MFHAS1: variants seen among roughly 807,000 people sequenced by gnomAD.
The protein encoded by MFHAS1 is malignant fibrous histiocytoma-amplified sequence 1.
Under a neutral mutation model 70.4 loss-of-function variants are expected in MFHAS1, and 50 were observed. The ratio of observed to expected loss-of-function variants is 0.71; its 90% CI spans 0.57 to 0.90. The LOEUF (loss-of-function observed/expected upper bound fraction) is 0.90, where lower values mean the gene tolerates loss of function less well. Among genes scored for constraint, MFHAS1 ranks in the 40% least tolerant of loss-of-function variants. The probability of loss-of-function intolerance (pLI) is 0.00; values close to 1 mark genes in which losing one functional copy is unlikely to be tolerated. For synonymous variants in MFHAS1, 952 were observed against 620.0 expected, an observed-to-expected ratio of 1.54 and a Z score of -7.96; for missense variants, 1,795 against 1,347.6, an observed-to-expected ratio of 1.33 and a Z score of -5.20.
chr8:8,809,266 T>C (rs923081753), intron 1 of MFHAS1, among the ~76,000 whole-genome samples: 6 of 152,140 alleles, frequency 3.9e-5, no homozygotes, highest in African/African-American at 9.7e-5. Context: ...GCACGACAAA[T>C]GTAATGCACT....
At chr8:8,797,795 G>T (rs1805959907) in intron 1 of MFHAS1, among the ~76,000 whole-genome samples, 1 of 152,134 alleles carries the variant, frequency 6.6e-6, no homozygotes, top group Non-Finnish European at 1.5e-5. Context: ...CTGACTCCAG[G>T]GATCTTTATC....
rs529710059 is a variant in MFHAS1 at position 8,855,004 on chromosome 8, G to A, written c.2998+35057C>T. Among the ~76,000 whole-genome samples, 20 of 152,146 alleles carry A rather than the reference G, an allele frequency of 1.3e-4. No individual in the cohort carries two copies. The South Asian group carries it at 3.9e-3, about 30-fold the overall frequency. Reference sequence around the variant, plus strand: ...AGCTCACTGCAGCCTCCATCTCCTGGGCTCAAGTGATTCTCCCATCTCAGC... The same window carrying A: ...AGCTCACTGCAGCCTCCATCTCCTGAGCTCAAGTGATTCTCCCATCTCAGC... On this transcript the variant is annotated intron_variant, in intron 1 of 2. Coordinates refer to ENST00000276282, the MANE Select transcript of MFHAS1 (RefSeq NM_004225.3).
At chr8:8,788,819 G>C (rs986342966) in intron 2 of MFHAS1, among the ~76,000 whole-genome samples, 1 of 152,224 alleles carries the variant, frequency 6.6e-6, no homozygotes, top group Non-Finnish European at 1.5e-5. Context: ...GGGTAGGAGA[G>C]AAGGGCAGCA....
chr8:8,865,514 G>T (rs1453176196), intron 1 of MFHAS1, among the ~76,000 whole-genome samples: 2 of 152,026 alleles, frequency 1.3e-5, no homozygotes, highest in Non-Finnish European at 2.9e-5. Context: ...ACACAACCAA[G>T]GACCCCTCCC....
Position 8,890,756 on chromosome 8 carries a change from G to T in MFHAS1, c.2303C>A (p.Pro768Gln). 6.2e-7 allele frequency: 1 copy of T among 1,613,846 alleles called. No homozygotes were observed. The highest frequency in any genetic ancestry group is 8.5e-7 in the Non-Finnish European group (1 of 1,179,880). The change falls in exon 1 of 3, where the codon CCG becomes CAG. Residue 768 changes from proline to glutamine, a missense_variant. Pro to Gln is a moderately conservative substitution (Grantham distance 76). Transcript: ENST00000276282. ...GCTGGGGGTGGACCGCGCCATGGGCGGGGAGCTTTCCCCCTCCGCCTTGCC... is the reference window on the plus strand; with the variant it reads ...GCTGGGGGTGGACCGCGCCATGGGCTGGGAGCTTTCCCCCTCCGCCTTGCC... ...GEGKAEGESS[P>Q]PMARSTPSQE...
At chr8:8,861,815 G>A (rs1455883600) in intron 1 of MFHAS1, among the ~76,000 whole-genome samples, 3 of 152,144 alleles carry the variant, frequency 2.0e-5, no homozygotes, top group South Asian at 2.1e-4. Context: ...TATAAATGGA[G>A]TCATACAATA....
intron 1 of MFHAS1, among the ~76,000 whole-genome samples, chr8:8,864,651 G>C (rs138902909): frequency 1.2e-4 from 18 of 152,220 alleles, no homozygotes; most frequent in Middle Eastern, 3.4e-3. Flanking sequence ...CCTATCATTT[G>C]TACCAGCTAC....
At chr8:8,831,254 C>T (rs1417872795) in intron 1 of MFHAS1, among the ~76,000 whole-genome samples, 2 of 152,050 alleles carry the variant, frequency 1.3e-5, no homozygotes, top group Non-Finnish European at 1.5e-5. Context: ...CTCCAATATA[C>T]ATTGGGGGTT....
chr8:8,833,277 CA>C (rs1346964361), intron 1 of MFHAS1, among the ~76,000 whole-genome samples: 1 of 151,890 alleles, frequency 6.6e-6, no homozygotes, highest in African/African-American at 2.4e-5. Context: ...GACATAGATC[CA>C]AATCATATCA....
chr8:8,806,259 T>C (rs1038127094), intron 1 of MFHAS1, among the ~76,000 whole-genome samples: 4 of 152,172 alleles, frequency 2.6e-5, no homozygotes, highest in Non-Finnish European at 5.9e-5. Flanking sequence ...CTTCCCCAAG[T>C]GTCCATTACA....
At position 8,800,808 on chromosome 8, in the gene MFHAS1, A is replaced by G. The variant is rs144977234; in HGVS notation, c.2999-3317T>C. Among the ~76,000 whole-genome samples the G allele has an allele frequency of 2.7e-4, 41 of 152,150 alleles. No individual in the cohort carries two copies. In the East Asian group the frequency reaches 7.8e-3, roughly 29 times the overall value. On this transcript the variant is annotated intron_variant, in intron 1 of 2. Transcript: ENST00000276282. Reference sequence around the variant, plus strand: ...ATCTGCCTGGACACTCAGAATAACAACAGCAGATGCCAAGCCCCTGTCCTC... The same window carrying G: ...ATCTGCCTGGACACTCAGAATAACAGCAGCAGATGCCAAGCCCCTGTCCTC...
At chr8:8,873,403 C>A (rs972661609) in intron 1 of MFHAS1, among the ~76,000 whole-genome samples, 10 of 151,830 alleles carry the variant, frequency 6.6e-5, no homozygotes, top group African/African-American at 2.2e-4. Flanking sequence ...ACTTTGTTAG[C>A]TTGAAATAAA....
chr8:8,883,699 C>A (rs1284148780), intron 1 of MFHAS1, among the ~76,000 whole-genome samples: 1 of 110,548 alleles, frequency 9.0e-6, no homozygotes, highest in Non-Finnish European at 1.7e-5. Context: ...CAGAGCGAGA[C>A]TCAGTCTCAA....
intron 1 of MFHAS1, among the ~76,000 whole-genome samples, chr8:8,832,056 G>A (rs144937408): frequency 0.71 from 96,447 of 135,370 alleles, 34,594 homozygotes; most frequent in Non-Finnish European, 0.81. Context: ...GCACGCGCGC[G>A]CGCGCGCACA....
intron 1 of MFHAS1, among the ~76,000 whole-genome samples, chr8:8,873,475 CTTT>C (rs11454563): frequency 6.3e-5 from 9 of 142,502 alleles, no homozygotes; most frequent in African/African-American, 2.1e-4. Flanking sequence ...TAATTGCTTA[CTTT>C]TTTTTTTTTT....
intron 1 of MFHAS1, among the ~76,000 whole-genome samples, chr8:8,857,180 G>A (rs1468202590): frequency 6.6e-6 from 1 of 152,088 alleles, no homozygotes; most frequent in African/African-American, 2.4e-5. Context: ...TCAATTCAAA[G>A]CAATAAAGAT....
rs1370390575 is a variant in MFHAS1 at position 8,793,460 on chromosome 8, G to C, written c.3125+3905C>G. On this transcript the variant is annotated intron_variant, in intron 2 of 2. Transcript: ENST00000276282. ...AATGTCTTTTTAAAAACCATCATGAGATCCAGATCAGCCACCTAAGCCCCA... is the reference window on the plus strand; with the variant it reads ...AATGTCTTTTTAAAAACCATCATGACATCCAGATCAGCCACCTAAGCCCCA... 2.6e-5 allele frequency among the ~76,000 whole-genome samples: 4 copies of C among 152,286 alleles called. No individual in the cohort carries two copies. In the East Asian group the frequency reaches 7.7e-4, roughly 29 times the overall value.
At chr8:8,813,539 ATG>A (rs1355968503) in intron 1 of MFHAS1, among the ~76,000 whole-genome samples, 2 of 152,162 alleles carry the variant, frequency 1.3e-5, no homozygotes, top group Non-Finnish European at 1.5e-5. Flanking sequence ...GCCTGAGCCA[ATG>A]TGTGTGTGTC....
At chr8:8,850,141 G>A (rs191316665) in intron 1 of MFHAS1, among the ~76,000 whole-genome samples, 69 of 152,300 alleles carry the variant, frequency 4.5e-4, no homozygotes, top group African/African-American at 1.3e-3. Flanking sequence ...TTTAAATCCC[G>A]AGGCAACTAA....
Sources: allele counts gnomAD v4.1 joint callset (sites outside exome capture counted in the v4.1 genomes callset), GRCh38; gene constraint gnomAD v4.1.1; transcripts MANE v1.5; gene names NCBI Gene and HGNC (gene_info 2026-07-23, HGNC 2026-07-21).